OSBP2: variants seen among roughly 807,000 people sequenced by gnomAD.
OSBP2 encodes oxysterol-binding protein 2.
A neutral mutation model predicts 96.0 loss-of-function variants in OSBP2; 66 were observed. That is an observed-to-expected ratio of 0.69 (90% CI 0.56 to 0.84). OSBP2 has a LOEUF of 0.84. Ranked by LOEUF, OSBP2 falls within the 40% of genes least tolerant of loss-of-function variation. The probability of loss-of-function intolerance (pLI) is 0.00; values close to 1 mark genes in which losing one functional copy is unlikely to be tolerated. For synonymous variants in OSBP2, 525 were observed against 520.9 expected, an observed-to-expected ratio of 1.01 and a Z score of -0.11; for missense variants, 1,038 against 1,222.7, an observed-to-expected ratio of 0.85 and a Z score of 2.25.
At chr22:30,697,711 C>T (rs1337361691) in intron 1 of OSBP2, among the ~76,000 whole-genome samples, 5 of 152,070 alleles carry the variant, frequency 3.3e-5, no homozygotes, top group South Asian at 2.1e-4. Context: ...GGTGTGTGTG[C>T]GTGTACAGTC....
At position 30,726,022 on chromosome 22, in the gene OSBP2, T is replaced by C. The variant is rs528728394; in HGVS notation, c.645-15139T>C. Among the ~76,000 whole-genome samples the C allele has an allele frequency of 1.1e-4, 17 of 152,180 alleles. 1 individual carries two copies. In the South Asian group the frequency reaches 2.9e-3, roughly 26 times the overall value. On this transcript the variant is annotated intron_variant, in intron 1 of 13. Transcript: ENST00000332585. ...CTCAAACTCCTGGCCTCAAGTGATA[T>C]GCCCACCTCAGCCTCCCAAAGTGCT...
chr22:30,805,332 A>G (rs1192426424), intron 2 of OSBP2, among the ~76,000 whole-genome samples: 1 of 152,262 alleles, frequency 6.6e-6, no homozygotes, highest in Non-Finnish European at 1.5e-5. Flanking sequence ...ATTTTGGTGA[A>G]AACAATTGAT....
intron 2 of OSBP2, among the ~76,000 whole-genome samples, chr22:30,754,032 G>A (rs1432455523): frequency 6.6e-6 from 1 of 152,090 alleles, no homozygotes; most frequent in African/African-American, 2.4e-5. Context: ...CCCAAATATT[G>A]TGTCACATTG....
At chr22:30,810,536 G>A (rs760457217) in intron 2 of OSBP2, among the ~76,000 whole-genome samples, 16 of 152,162 alleles carry the variant, frequency 1.1e-4, no homozygotes, top group Non-Finnish European at 1.8e-4. Flanking sequence ...TTAATCTCAA[G>A]GTCACTGGTG....
At chr22:30,738,008 G>A (rs551408269) in intron 1 of OSBP2, among the ~76,000 whole-genome samples, 3 of 151,946 alleles carry the variant, frequency 2.0e-5, no homozygotes, top group Non-Finnish European at 4.4e-5. Context: ...CACCGTGCAC[G>A]GCTGAGACTC....
In OSBP2 at chr22:30,881,565, C is replaced by A; in HGVS notation, c.1108-5861C>A. The A allele has an allele frequency of 1.1e-6, 1 of 897,400 alleles. No homozygotes were observed. The highest frequency in any genetic ancestry group is 1.5e-6 in the Non-Finnish European group (1 of 652,260). The allele number at this position is 897,400 out of a possible 1,614,324, so 55.6% of individuals were successfully genotyped here. The stretch of plus-strand genomic sequence containing the variant: ...TCAGAGAAATGAGACCACGTTCAGG[C>A]CTGGGCTGGGTCAGCCAGGCCCTCC... On this transcript the variant is annotated intron_variant, in intron 3 of 13. Transcript: ENST00000332585. This position sits in a 1 kb window ranked among gnomAD's most constrained non-coding sequence, Gnocchi z 4.5.
intron 3 of OSBP2, among the ~76,000 whole-genome samples, chr22:30,880,868 C>T (rs1052189192): frequency 6.6e-6 from 1 of 152,174 alleles, no homozygotes; most frequent in African/African-American, 2.4e-5. Context: ...CAGCAGCAAC[C>T]CCTGCTCAGA....
intron 1 of OSBP2, among the ~76,000 whole-genome samples, chr22:30,723,191 C>G (rs1419429409): frequency 6.6e-6 from 1 of 152,144 alleles, no homozygotes; most frequent in African/African-American, 2.4e-5. Context: ...ACTGCAACCT[C>G]TGTCTCCTGG....
At chr22:30,880,687 C>G (rs1385682149) in intron 3 of OSBP2, among the ~76,000 whole-genome samples, 1 of 152,218 alleles carries the variant, frequency 6.6e-6, no homozygotes, top group Non-Finnish European at 1.5e-5. Context: ...GCTGACCTCA[C>G]ACCTTGCTCT....
intron 1 of OSBP2, among the ~76,000 whole-genome samples, chr22:30,698,370 A>G (rs1400730150): frequency 5.9e-5 from 9 of 152,084 alleles, no homozygotes; most frequent in Admixed American, 5.9e-4. Context: ...CTGGCGAAGA[A>G]GGAATCAGGG....
intron 1 of OSBP2, among the ~76,000 whole-genome samples, chr22:30,704,326 T>C (rs754661361): frequency 3.9e-5 from 6 of 151,950 alleles, no homozygotes; most frequent in Admixed American, 6.6e-5. Context: ...CTTCCAAGGG[T>C]CCTCTCCCAG....
chr22:30,856,262 G>A (rs917370547), intron 2 of OSBP2, among the ~76,000 whole-genome samples: 1 of 151,588 alleles, frequency 6.6e-6, no homozygotes, highest in African/African-American at 2.4e-5. Flanking sequence ...TGGCTTCACT[G>A]TGGTCTTTAC....
At chr22:30,788,448 A>ATGAGCT (rs1214190871) in intron 2 of OSBP2, among the ~76,000 whole-genome samples, 7 of 152,118 alleles carry the variant, frequency 4.6e-5, no homozygotes, top group Non-Finnish European at 1.0e-4. Flanking sequence ...CCTCAGTCAA[A>ATGAGCT]CAGCCAGAAT....
chr22:30,802,970 GA>G (rs1227737902), intron 2 of OSBP2: 1 of 153,834 alleles, frequency 6.5e-6, no homozygotes, highest in Non-Finnish European at 1.5e-5. Context: ...CAGGGAGGCG[GA>G]CCCGGAGCCG....
chr22:30,694,395 T>C, upstream of OSBP2: 1 of 1,471,146 alleles, frequency 6.8e-7, no homozygotes, highest in Non-Finnish European at 9.0e-7. Flanking sequence ...TTAGCGCCCC[T>C]GTGCTTCGTG....
intron 3 of OSBP2, among the ~76,000 whole-genome samples, chr22:30,885,628 T>C (rs148517412): frequency 2.6e-5 from 4 of 152,226 alleles, no homozygotes; most frequent in East Asian, 1.9e-4. Flanking sequence ...CTGGGGAGGA[T>C]AGCAGAACGT....
chr22:30,819,063 TG>T lies in OSBP2; in HGVS notation c.854-51365del, dbSNP rs1319991072. Among the ~76,000 whole-genome samples the T allele has an allele frequency of 5.9e-5, 9 of 152,314 alleles. No individual in the cohort carries two copies. The South Asian group carries it at 1.9e-3, about 32-fold the overall frequency. ...CAAAAGACACCCGTGGGCCAGGTGC[TG>T]TGGCTCACGCCTGTAATCCCAGCAC... On this transcript the variant is annotated intron_variant, in intron 2 of 13. Transcript: ENST00000332585.
chr22:30,728,295 T>C (rs902446023), intron 1 of OSBP2, among the ~76,000 whole-genome samples: 3 of 150,222 alleles, frequency 2.0e-5, no homozygotes, highest in South Asian at 4.2e-4. Flanking sequence ...CTCGGGAGGC[T>C]GAGGTAGGAG....
intron 2 of OSBP2, among the ~76,000 whole-genome samples, chr22:30,815,427 T>G (rs965175514): frequency 1.3e-5 from 2 of 152,212 alleles, no homozygotes; most frequent in African/African-American, 2.4e-5. Context: ...TCTTCTGTAC[T>G]TCCTCTGTCC....
Sources: gnomAD v4.1 joint callset for allele counts (sites outside exome capture counted in the v4.1 genomes callset) on GRCh38, gnomAD v4.1.1 for gene constraint, Gnocchi (gnomAD v3.1) non-coding constraint, MANE v1.5 for transcripts, NCBI Gene and HGNC (gene_info 2026-07-23, HGNC 2026-07-21) for gene names.